The following BCOR variants were observed in gnomAD, a reference collection of about 807,000 sequenced individuals.
The protein encoded by BCOR is BCL6 corepressor, also known as BCL-6 corepressor.
In BCOR, 10 loss-of-function variants were observed where a neutral mutation model predicts 86.7. The observed-to-expected ratio is 0.12, with a 90% CI of 0.07 to 0.20. BCOR has a LOEUF of 0.20. BCOR is among the 10% of genes least tolerant of loss of function. The pLI is 1.00. For synonymous variants in BCOR, 611 were observed against 609.0 expected (o/e 1.00, Z -0.05); for missense variants, 1,259 against 1,452.1 (o/e 0.87, Z 2.16).
chrX:40,156,270 C>A (rs749569987), intron 1 of BCOR, among the ~76,000 whole-genome samples: 1 of 113,049 alleles, frequency 8.8e-6, no homozygotes, highest in African/African-American at 3.2e-5. Flanking sequence ...CCGCACGTGG[C>A]CTTTGTGAAG....
chrX:40,169,291 CAG>C (rs1173272445), intron 1 of BCOR, among the ~76,000 whole-genome samples: 1 of 112,056 alleles, frequency 8.9e-6, no homozygotes. Context: ...CTAGGAGAAA[CAG>C]GGAGCATCTG....
intron 1 of BCOR, among the ~76,000 whole-genome samples, chrX:40,079,560 A>G (rs757013027): frequency 1.1e-4 from 12 of 112,140 alleles, no homozygotes; most frequent in African/African-American, 3.2e-4. Flanking sequence ...GTACAGTTAG[A>G]GCTCAACAAT....
At chrX:40,164,795 C>T (rs1938481966) in intron 1 of BCOR, among the ~76,000 whole-genome samples, 1 of 112,463 alleles carries the variant, frequency 8.9e-6, no homozygotes, top group South Asian at 3.6e-4. Context: ...CATTTTCTTC[C>T]CAATTCCCCT....
At chrX:40,174,059 CCTCGGCCT>C (rs1938689503) in intron 1 of BCOR, among the ~76,000 whole-genome samples, 1 of 113,108 alleles carries the variant, frequency 8.8e-6, no homozygotes, top group Non-Finnish European at 1.9e-5. Flanking sequence ...CCTAGGGAGG[CCTCGGCCT>C]CCCCTGCTTG....
intron 13 of BCOR, 75 bp from the exon 14 acceptor site, chrX:40,054,117 G>A: frequency 8.7e-7 from 1 of 1,146,378 alleles, no homozygotes; most frequent in Admixed American, 2.3e-5. Context: ...ACAACAACAA[G>A]GAGTTTAAAT....
chrX:40,082,089 T>C (rs1936131540), intron 1 of BCOR, among the ~76,000 whole-genome samples: 1 of 112,218 alleles, frequency 8.9e-6, no homozygotes, highest in Non-Finnish European at 1.9e-5. Context: ...GAAGGCCTGA[T>C]TGGCAGAAGG....
chrX:40,132,376 G>C (rs113124558), intron 1 of BCOR, among the ~76,000 whole-genome samples: 27 of 111,468 alleles, frequency 2.4e-4, no homozygotes, highest in African/African-American at 8.8e-4. Context: ...CACCCAGGCT[G>C]AAGTGCAGTG....
At chrX:40,105,516 G>A (rs1247935485) in intron 1 of BCOR, among the ~76,000 whole-genome samples, 2 of 111,870 alleles carry the variant, frequency 1.8e-5, no homozygotes, top group Admixed American at 9.3e-5. Context: ...CCTTCCTGCG[G>A]TCCGATGAGA....
At chrX:40,114,892 G>T (rs1937369757) in intron 1 of BCOR, among the ~76,000 whole-genome samples, 1 of 87,222 alleles carries the variant, frequency 1.1e-5, no homozygotes, top group Non-Finnish European at 2.1e-5. Context: ...TCACTGTGTC[G>T]CCCAGGCTGG....
At chrX:40,080,815 CGTGTGTGT>C (rs533981374) in intron 1 of BCOR, among the ~76,000 whole-genome samples, 2,545 of 65,838 alleles carry the variant, frequency 0.039, 61 homozygotes, top group Admixed American at 0.039. Flanking sequence ...GGTTCACTGT[CGTGTGTGT>C]GTGTGTGTGT....
chrX:40,139,528 T>C, intron 1 of BCOR, among the ~76,000 whole-genome samples: 1 of 75,728 alleles, frequency 1.3e-5, no homozygotes, highest in Non-Finnish European at 2.5e-5. Context: ...TCAGCCTTAA[T>C]AGGCCAGGCG....
intron 14 of BCOR, 89 bp downstream of exon 14, chrX:40,053,797 C>A: frequency 9.4e-7 from 1 of 1,059,940 alleles, no homozygotes; most frequent in East Asian, 3.1e-5. Context: ...ACTCACCCAC[C>A]CACCCTCATC....
chrX:40,076,843 C>A, intron 2 of BCOR: 2 of 325,058 alleles, frequency 6.2e-6, no homozygotes, highest in Non-Finnish European at 1.2e-5. Context: ...TCTCTAGAGG[C>A]CAAGTAGGCC....
At chrX:40,143,166 T>C (rs764351331) in intron 1 of BCOR, among the ~76,000 whole-genome samples, 2 of 111,823 alleles carry the variant, frequency 1.8e-5, no homozygotes, top group South Asian at 7.5e-4. Flanking sequence ...GGGACAATTG[T>C]ATGGACCAGT....
intron 1 of BCOR, among the ~76,000 whole-genome samples, chrX:40,172,004 C>A (rs1466359376): frequency 1.8e-5 from 2 of 112,947 alleles, no homozygotes; most frequent in Admixed American, 9.2e-5. Context: ...CCAGCCTGGC[C>A]CCCTCTGGGC....
rs776354140 is a variant in BCOR at position 40,071,016 on chromosome X, G to A, written c.3195C>T (p.Val1065=). The change falls in exon 6 of 15, where the codon GTC becomes GTT. Residue 1065 remains valine, a synonymous_variant. Transcript: ENST00000378444. ...KGNQDKKPKS[V]TLEEAIAEQN... Reference sequence around the variant, plus strand: ...GTTCTGCAATGGCCTCCTCCAGGGTGACCGACTTTGGCTTTTTGTCCTGAT... The same window carrying A: ...GTTCTGCAATGGCCTCCTCCAGGGTAACCGACTTTGGCTTTTTGTCCTGAT... 2.0e-5 allele frequency: 24 copies of A among 1,209,658 alleles called. No individual in the cohort carries two copies. The highest frequency in any genetic ancestry group is 2.2e-5 in the Admixed American group (1 of 45,714).
intron 1 of BCOR, among the ~76,000 whole-genome samples, chrX:40,164,424 CAGGAAATTTTTTTTA>C (rs1388078969): frequency 8.9e-6 from 1 of 112,809 alleles, no homozygotes; most frequent in East Asian, 2.8e-4. Flanking sequence ...GTGTGACAGG[CAGGAAATTTTTTTTA>C]AGGAAATTTC....
rs1346466311 is a variant in BCOR, at chrX:40,063,100, G to A, written c.3848-29C>T. ...AATACGGAGGGGGTGACGGGGTGGC[G>A]GGCGGATGGGAGACGGGAGAAGAAG... On this transcript the variant is annotated intron_variant, in intron 8 of 14. Transcript: ENST00000378444. 29 of 1,022,437 alleles carry A rather than the reference G, an allele frequency of 2.8e-5. 1 individual carries two copies. Among genetic ancestry groups the A allele is most frequent in the Admixed American group, 1.6e-4 (6 of 36,479 alleles). 84.3% of individuals were successfully genotyped at this position (1,022,437 alleles called of 1,213,427 possible).
intron 3 of BCOR, among the ~76,000 whole-genome samples, 195 bp downstream of exon 3, chrX:40,076,259 T>G (rs1226368287): frequency 1.8e-5 from 2 of 111,765 alleles, no homozygotes; most frequent in African/African-American, 6.5e-5. Context: ...GGGACATGTG[T>G]GGCGAGGCAG....
Sources: gnomAD v4.1 joint callset for allele counts (sites outside exome capture counted in the v4.1 genomes callset) on GRCh38, gnomAD v4.1.1 for gene constraint, MANE v1.5 for transcripts, NCBI Gene and HGNC (gene_info 2026-07-23, HGNC 2026-07-21) for gene names.